The following MYH7B variants were observed in gnomAD, a reference collection of about 807,000 sequenced individuals.
The protein encoded by MYH7B is myosin heavy chain 7B.
In MYH7B, 205 loss-of-function variants were observed where a neutral mutation model predicts 234.5. The ratio of observed to expected loss-of-function variants is 0.87; its 90% CI spans 0.78 to 0.98. The LOEUF is 0.98. Ranked by LOEUF, MYH7B falls within the 50% of genes least tolerant of loss-of-function variation. The pLI is 0.00. For synonymous variants in MYH7B, 1,193 were observed against 1,105.0 expected (o/e 1.08, Z -1.58); for missense variants, 2,652 against 2,633.4 (o/e 1.01, Z -0.15).
chr20:34,989,980 C>G, intron 20 of MYH7B, 34 bp from the exon 21 acceptor site: 4 of 1,613,382 alleles, frequency 2.5e-6, no homozygotes, highest in Non-Finnish European at 3.4e-6. Context: ...TCCAGGTCTC[C>G]CACCCGGGCT....
At chr20:34,998,242 A>T in intron 32 of MYH7B, 53 bp from the exon 33 acceptor site, 1 of 1,601,274 alleles carries the variant, frequency 6.2e-7, no homozygotes, top group African/African-American at 1.3e-5. Context: ...CTGATGCACA[A>T]ACTTGTTCTG....
intron 1 of MYH7B, among the ~76,000 whole-genome samples, chr20:34,957,168 G>A (rs1315405153): frequency 6.6e-6 from 1 of 152,238 alleles, no homozygotes; most frequent in African/African-American, 2.4e-5. Flanking sequence ...GGTTGCAACA[G>A]GACTTAGGCG....
chr20:34,993,365 T>A (rs2082192755), exon 26 of MYH7B: 1 of 1,613,978 alleles, frequency 6.2e-7, no homozygotes, highest in Non-Finnish European at 8.5e-7. Context: ...CTAGGCGTCC[T>A]GGAAGAGCTC....
chr20:35,000,996 G>T, exon 41 of MYH7B: 1 of 1,613,824 alleles, frequency 6.2e-7, no homozygotes, highest in Non-Finnish European at 8.5e-7. Flanking sequence ...AGGCGGCCAT[G>T]ATGGCCGAGG....
chr20:34,991,191 C>T, intron 24 of MYH7B, 70 bp downstream of exon 24: 1 of 1,049,714 alleles, frequency 9.5e-7, no homozygotes, highest in Admixed American at 2.3e-5. Context: ...ACACACATAT[C>T]AGAGCCCAAC....
exon 29 of MYH7B, chr20:34,996,459 C>A: frequency 6.2e-7 from 1 of 1,613,054 alleles, no homozygotes; most frequent in South Asian, 1.1e-5. Flanking sequence ...ACCTGCAGGC[C>A]GAGGAGGACC....
rs1253067976 is a variant in MYH7B, at chr20:34,995,330, C to A, written c.2701-6C>A. The A allele has an allele frequency of 6.2e-7, 1 of 1,611,556 alleles. No individual in the cohort carries two copies. On this transcript the variant is annotated splice_polypyrimidine_tract_variant and splice_region_variant and intron_variant, in intron 27 of 44. Coordinates refer to ENST00000262873, the Ensembl canonical transcript of MYH7B. The stretch of plus-strand genomic sequence containing the variant: ...CCAACCTGGCCCCGTTCCGTGTGCC[C>A]TCCAGGAGCAGGACAACCTGGCAGA...
chr20:34,984,979 T>G (rs1343764670), intron 12 of MYH7B, 33 bp downstream of exon 12: 1 of 1,609,308 alleles, frequency 6.2e-7, no homozygotes, highest in Non-Finnish European at 8.5e-7. Flanking sequence ...GTGGCGGGGA[T>G]GCCGTAGGCC....
At chr20:34,990,022 C>T (rs766159238) in exon 21 of MYH7B, 13 of 1,614,126 alleles carry the variant, frequency 8.1e-6, no homozygotes, top group South Asian at 3.3e-5. Flanking sequence ...AGGTGCCTTA[C>T]AGCATTGTGG....
At chr20:34,963,305 A>C (rs969648189) in intron 2 of MYH7B, among the ~76,000 whole-genome samples, 5 of 152,206 alleles carry the variant, frequency 3.3e-5, no homozygotes, top group Non-Finnish European at 7.3e-5. Flanking sequence ...CTGGTTGGTC[A>C]TTGTGGTTTT....
At chr20:34,956,480 C>T (rs2081635794) in intron 1 of MYH7B, among the ~76,000 whole-genome samples, 1 of 152,176 alleles carries the variant, frequency 6.6e-6, no homozygotes, top group Non-Finnish European at 1.5e-5. Flanking sequence ...TTCCCTGTTT[C>T]TTCCTTCTGG....
chr20:34,976,810 G>A (rs941325470), intron 3 of MYH7B, among the ~76,000 whole-genome samples: 2 of 152,216 alleles, frequency 1.3e-5, no homozygotes, highest in Non-Finnish European at 2.9e-5. Context: ...AAATGCACAA[G>A]TGTGCCAGAT....
At position 34,984,910 on chromosome 20, in the gene MYH7B, C is replaced by CTTTG. The variant is rs2081992699; in HGVS notation, c.705_706insTTTG (p.Ala236PhefsTer8). On this transcript the variant is annotated frameshift_variant, in exon 12 of 45. Transcript: ENST00000262873. LOFTEE classifies it high-confidence loss of function. ...ACCCTGCCATGGAGGCCTTTGGCAA[C>CTTTG]GCCAAGACCCTGAGGAATGATAACT... 1 of 1,613,952 alleles carries CTTTG rather than the reference C, an allele frequency of 6.2e-7. No homozygotes were observed. Among genetic ancestry groups the CTTTG allele is most frequent in the Non-Finnish European group, 8.5e-7 (1 of 1,179,920 alleles).
intron 3 of MYH7B, among the ~76,000 whole-genome samples, chr20:34,977,082 CCTT>C (rs4011949): frequency 0.27 from 36,298 of 135,120 alleles, 5,916 homozygotes; most frequent in African/African-American, 0.32. Flanking sequence ...CCCTCTCACT[CCTT>C]CTCTTTTTGA....
At chr20:34,997,355 C>T (rs772444392) in exon 32 of MYH7B, 24 of 1,535,486 alleles carry the variant, frequency 1.6e-5, no homozygotes, top group African/African-American at 9.7e-5. Context: ...AGGAGCTGAG[C>T]GAGCGGCTGG....
exon 7 of MYH7B, chr20:34,979,694 A>G (rs2081911667): frequency 1.2e-6 from 2 of 1,614,160 alleles, no homozygotes; most frequent in Middle Eastern, 1.6e-4. Flanking sequence ...GCTGCAGCCC[A>G]TGAACCCGCC....
chr20:34,977,068 C>G (rs1167888441), intron 3 of MYH7B, among the ~76,000 whole-genome samples: 2 of 122,994 alleles, frequency 1.6e-5, no homozygotes, highest in Non-Finnish European at 3.4e-5. Context: ...CCCCCTCTCT[C>G]TCTCCCTCTC....
At chr20:34,995,938 C>G (rs1296457019) in intron 28 of MYH7B, among the ~76,000 whole-genome samples, 1 of 152,234 alleles carries the variant, frequency 6.6e-6, no homozygotes, top group Non-Finnish European at 1.5e-5. Flanking sequence ...CCCTTGAGCC[C>G]TCGTGATGGC....
intron 7 of MYH7B, 180 bp downstream of exon 7, chr20:34,979,984 G>A: frequency 1.6e-6 from 1 of 609,350 alleles, no homozygotes; most frequent in East Asian, 3.1e-5. Flanking sequence ...GCGGGGCTCT[G>A]AGCAGTGGGG....
Sources: allele counts gnomAD v4.1 joint callset (sites outside exome capture counted in the v4.1 genomes callset), GRCh38; gene constraint gnomAD v4.1.1; transcripts MANE v1.5; gene names NCBI Gene and HGNC (gene_info 2026-07-23, HGNC 2026-07-21).